The following RIMS2 variants were observed in gnomAD, a reference collection of about 807,000 sequenced individuals.
RIMS2 encodes regulating synaptic membrane exocytosis protein 2.
In RIMS2, 59 loss-of-function variants were observed where a neutral mutation model predicts 174.4. That is an observed-to-expected ratio of 0.34 (90% CI 0.27 to 0.42). The LOEUF is 0.42. Ranked by LOEUF, RIMS2 falls within the 10% of genes least tolerant of loss-of-function variation. The pLI, the probability that RIMS2 is intolerant of heterozygous loss-of-function variation, is 1.00. For synonymous variants in RIMS2, 606 were observed against 572.5 expected (o/e 1.06, Z -0.84); for missense variants, 1,620 against 1,666.3 (o/e 0.97, Z 0.48).
chr8:104,198,145 G>A (rs1331475958), intron 19 of RIMS2, among the ~76,000 whole-genome samples: 6 of 152,020 alleles, frequency 3.9e-5, no homozygotes, highest in Non-Finnish European at 8.8e-5. Flanking sequence ...CAAAGGATGC[G>A]GTTCGCCTCA....
chr8:104,233,663 G>A (rs930622042), intron 19 of RIMS2, among the ~76,000 whole-genome samples: 26 of 152,172 alleles, frequency 1.7e-4, no homozygotes, highest in Non-Finnish European at 3.8e-4. Flanking sequence ...TCTAGTACAG[G>A]TTTGGAAACT....
chr8:103,592,361 T>C (rs2094303474), intron 1 of RIMS2, among the ~76,000 whole-genome samples: 1 of 151,248 alleles, frequency 6.6e-6, no homozygotes, highest in African/African-American at 2.4e-5. Context: ...TAGTTTGATT[T>C]ACTAAGTTCA....
intron 15 of RIMS2, among the ~76,000 whole-genome samples, chr8:103,963,824 C>G (rs1435491135): frequency 6.6e-6 from 1 of 152,110 alleles, no homozygotes; most frequent in African/African-American, 2.4e-5. Context: ...AGAATATTTC[C>G]ACTACCTTAA....
chr8:104,037,344 C>T (rs1170712353), intron 19 of RIMS2, among the ~76,000 whole-genome samples: 2 of 152,146 alleles, frequency 1.3e-5, no homozygotes, highest in Admixed American at 1.3e-4. Context: ...CTAATATACA[C>T]TTAGAATCTT....
rs117498279 is a variant in RIMS2 at position 103,848,558 on chromosome 8, G to A, written c.699-36740G>A. On this transcript the variant is annotated intron_variant, in intron 3 of 23. Transcript: ENST00000504942. ...TTTCATGATGGGTGCTTCTGGATTC[G>A]TGGTCACTTGAAGTCTTGAGATCAG... Among the ~76,000 whole-genome samples the A allele has an allele frequency of 3.8e-3, 581 of 152,072 alleles. 1 individual carries two copies. The highest frequency in any genetic ancestry group is 7.0e-3 in the Non-Finnish European group (478 of 67,948).
At chr8:103,913,119 C>T (rs73293873) in intron 6 of RIMS2, among the ~76,000 whole-genome samples, 2,044 of 150,338 alleles carry the variant, frequency 0.014, 37 homozygotes, top group African/African-American at 0.047. Flanking sequence ...ACTATAGGCG[C>T]GCACCACCAT....
chr8:103,954,260 C>T (rs1019155026), intron 14 of RIMS2, among the ~76,000 whole-genome samples: 4 of 152,150 alleles, frequency 2.6e-5, no homozygotes, highest in African/African-American at 9.7e-5. Flanking sequence ...GCCTAATAGA[C>T]ATCTACAGAA....
At position 103,966,191 on chromosome 8, in the gene RIMS2, T is replaced by A. The variant is rs113264491; in HGVS notation, c.2770+5058T>A. The stretch of plus-strand genomic sequence containing the variant: ...CTCTGATTCTGTTCTCTGAAAGAGA[T>A]TGTAGAAAAATTGAATAATTTCTTT... On this transcript the variant is annotated intron_variant, in intron 15 of 23. Transcript: ENST00000504942. 4.5e-3 allele frequency among the ~76,000 whole-genome samples: 691 copies of A among 152,248 alleles called. 7 individuals are homozygous for A. The highest frequency in any genetic ancestry group is 0.016 in the African/African-American group (653 of 41,566).
Position 103,996,337 on chromosome 8 carries a change from C to T in RIMS2, c.3044+6916C>T, listed in dbSNP as rs1015837358. On this transcript the variant is annotated intron_variant, in intron 17 of 23. Coordinates refer to ENST00000504942, the Ensembl canonical transcript of RIMS2. Reference sequence around the variant, plus strand: ...TTGAAAACCACTGCTTGAACCTCCTCGTAAATAGGCAAAGGGTATTGTTCT... The same window carrying T: ...TTGAAAACCACTGCTTGAACCTCCTTGTAAATAGGCAAAGGGTATTGTTCT... Among the ~76,000 whole-genome samples, 10 of 151,680 alleles carry T rather than the reference C, an allele frequency of 6.6e-5. 1 individual carries two copies. The highest frequency in any genetic ancestry group is 3.2e-3 in the Middle Eastern group (1 of 316).
intron 1 of RIMS2, among the ~76,000 whole-genome samples, chr8:103,632,382 G>C (rs1300468484): frequency 6.6e-6 from 1 of 152,080 alleles, no homozygotes; most frequent in African/African-American, 2.4e-5. Flanking sequence ...ATAATCATGT[G>C]TTTTTTTGTC....
At chr8:103,620,085 C>G (rs2095600996) in intron 1 of RIMS2, among the ~76,000 whole-genome samples, 1 of 150,908 alleles carries the variant, frequency 6.6e-6, no homozygotes, top group Non-Finnish European at 1.5e-5. Flanking sequence ...AGCCACTATA[C>G]TTATGAATAA....
intron 1 of RIMS2, among the ~76,000 whole-genome samples, chr8:103,519,234 G>T (rs548847506): frequency 6.6e-6 from 1 of 152,116 alleles, no homozygotes; most frequent in African/African-American, 2.4e-5. Flanking sequence ...AACCAAATCA[G>T]TGTTGCTTTC....
chr8:104,026,972 A>T (rs2096270426), intron 19 of RIMS2, among the ~76,000 whole-genome samples: 2 of 152,202 alleles, frequency 1.3e-5, no homozygotes, highest in African/African-American at 4.8e-5. Flanking sequence ...CCCAACTTAG[A>T]TAAATGACCA....
intron 3 of RIMS2, among the ~76,000 whole-genome samples, chr8:103,769,715 T>G (rs767861238): frequency 5.3e-5 from 8 of 152,234 alleles, no homozygotes; most frequent in Non-Finnish European, 8.8e-5. Context: ...AGTACTGGCC[T>G]GAATAAACAA....
chr8:103,671,472 G>A (rs1279050364), intron 1 of RIMS2, among the ~76,000 whole-genome samples: 7 of 152,090 alleles, frequency 4.6e-5, no homozygotes, highest in Non-Finnish European at 1.0e-4. Flanking sequence ...TCTTTTCATT[G>A]GAGTACTAGG....
chr8:103,996,724 T>G (rs1019146384), intron 17 of RIMS2, among the ~76,000 whole-genome samples: 3 of 151,854 alleles, frequency 2.0e-5, no homozygotes, highest in African/African-American at 4.8e-5. Flanking sequence ...TGCCACTTAC[T>G]ATATAGCTCT....
At chr8:103,701,536 A>G (rs2097167601) in intron 2 of RIMS2, among the ~76,000 whole-genome samples, 1 of 151,860 alleles carries the variant, frequency 6.6e-6, no homozygotes, top group African/African-American at 2.4e-5. Context: ...TTTCTATCTA[A>G]CTATATTTTT....
At chr8:103,598,699 G>A (rs1345152736) in intron 1 of RIMS2, among the ~76,000 whole-genome samples, 5 of 152,066 alleles carry the variant, frequency 3.3e-5, no homozygotes, top group African/African-American at 7.2e-5. Flanking sequence ...GGTTTTCAGT[G>A]GCAAGTCTTG....
intron 2 of RIMS2, among the ~76,000 whole-genome samples, chr8:103,753,312 T>A (rs575678752): frequency 6.6e-6 from 1 of 152,350 alleles, no homozygotes; most frequent in East Asian, 1.9e-4. Context: ...ATAAGCTTTT[T>A]GATGTGATGC....
Sources: gnomAD v4.1 joint callset for allele counts (sites outside exome capture counted in the v4.1 genomes callset) on GRCh38, gnomAD v4.1.1 for gene constraint, MANE v1.5 for transcripts, NCBI Gene and HGNC (gene_info 2026-07-23, HGNC 2026-07-21) for gene names.